Variants in PKD1 observed in about 807,000 individuals in gnomAD.
PKD1 encodes polycystin-1.
In PKD1, 81 loss-of-function variants were observed where a neutral mutation model predicts 361.7. The observed-to-expected ratio is 0.22, with a 90% confidence interval of 0.19 to 0.27. The LOEUF is 0.27. Ranked by LOEUF, PKD1 falls within the 10% of genes least tolerant of loss-of-function variation. PKD1 has a pLI of 1.00. For missense variants in PKD1, 6,399 were observed against 6,118.3 expected (o/e 1.05, Z -1.53); for synonymous variants, 3,615 against 2,818.3 (o/e 1.28, Z -8.95).
Position 2,088,889 on chromosome 16 carries a change from ACAC to A in PKD1, c.*835_*837del, listed in dbSNP as rs386787811. On this transcript the variant is annotated 3_prime_UTR_variant, in exon 46 of 46. Transcript: ENST00000262304. ...CTCGCGCGTGCGCGCGCGCACACAC[ACAC>A]ACACACAGTCACCTTCCTCCACCCT... is the stretch of plus-strand genomic sequence containing the variant. The A allele has an allele frequency of 8.1e-3, 3,686 of 455,766 alleles. 135 individuals carry two copies. Among genetic ancestry groups the A allele is most frequent in the African/African-American group, 0.065 (3,274 of 50,502 alleles). 28.2% of individuals were successfully genotyped at this position (455,766 alleles called of 1,614,324 possible).
chr16:2,103,230 C>T lies in PKD1; in HGVS notation c.8791+36G>A, dbSNP rs755733347. 41 of 1,604,174 alleles carry T rather than the reference C, an allele frequency of 2.6e-5. 1 individual carries two copies. The Admixed American group carries it at 5.5e-4, about 22-fold the overall frequency. On this transcript the variant is annotated intron_variant, in intron 23 of 45. Coordinates refer to ENST00000262304, the MANE Select transcript of PKD1 (RefSeq NM_001009944.3). ...AAACGCCTTCCCCCCAAGAACAAGGCCAGGGGGCCGCGTGTGCCCCACCCG... is the reference window on the plus strand; with the variant it reads ...AAACGCCTTCCCCCCAAGAACAAGGTCAGGGGGCCGCGTGTGCCCCACCCG...
At chr16:2,127,034 G>A (rs2092808036) in intron 1 of PKD1, among the ~76,000 whole-genome samples, 1 of 152,126 alleles carries the variant, frequency 6.6e-6, no homozygotes, top group Non-Finnish European at 1.5e-5. Flanking sequence ...CCCTCATAGA[G>A]ATGCCCTGGC....
chr16:2,091,768 AG>A lies in PKD1; in HGVS notation c.11537+12del. ...GCGGCCACCCCGGAGAGGGCAGGGG[AG>A]GGAGCTCCCACCTGTTGTCCAGCCA... On this transcript the variant is annotated intron_variant, in intron 41 of 45. Coordinates refer to ENST00000262304, the MANE Select transcript of PKD1 (RefSeq NM_001009944.3). The A allele has an allele frequency of 6.2e-7, 1 of 1,609,564 alleles. No individual in the cohort carries two copies. The highest frequency in any genetic ancestry group is 1.1e-5 in the South Asian group (1 of 90,690).
chr16:2,112,073 C>T (rs942559188), intron 14 of PKD1, among the ~76,000 whole-genome samples: 10 of 152,236 alleles, frequency 6.6e-5, no homozygotes, highest in African/African-American at 2.4e-4. Flanking sequence ...ACGGCACCGC[C>T]TCCAAGTGCA....
At chr16:2,120,678 G>C (rs1285897095) in intron 1 of PKD1, among the ~76,000 whole-genome samples, 2 of 152,170 alleles carry the variant, frequency 1.3e-5, no homozygotes, top group Non-Finnish European at 2.9e-5. Flanking sequence ...GTCCAGCCTG[G>C]GCGACAGAGC....
At position 2,090,249 on chromosome 16, in the gene PKD1, G is replaced by A. The variant is rs745791932; in HGVS notation, c.12444+36C>T. 3.0e-5 allele frequency: 49 copies of A among 1,609,052 alleles called. No homozygotes were observed. The East Asian group carries it at 9.4e-4, about 31-fold the overall frequency. On this transcript the variant is annotated intron_variant, in intron 45 of 45. Coordinates refer to ENST00000262304, the MANE Select transcript of PKD1 (RefSeq NM_001009944.3). The stretch of plus-strand genomic sequence containing the variant: ...CGGCTGCACCCTGGGCAGAGCCCAG[G>A]GCGTGTCCCTCTCCCCCCCACTGGG...
At position 2,112,430 on chromosome 16, in the gene PKD1, G is replaced by A. The variant is rs754703070; in HGVS notation, c.3205C>T (p.Pro1069Ser). Reference sequence around the variant, plus strand: ...ACCGGGAAGGACTCGTTGTACGGAGGCTGGAACTGGTGGAGGGCCTGCTCC... The same window carrying A: ...ACCGGGAAGGACTCGTTGTACGGAGACTGGAACTGGTGGAGGGCCTGCTCC... ...DGEQALHQFQ[P>S]PYNESFPVPD... Residue 1069 changes from proline to serine, a missense_variant, in exon 14 of 46, where the codon CCT (proline) becomes TCT (serine). By Grantham distance (74) the Pro-to-Ser change is moderately conservative. Coordinates refer to ENST00000262304, the MANE Select transcript of PKD1 (RefSeq NM_001009944.3). 3 of 1,585,398 alleles carry A rather than the reference G, an allele frequency of 1.9e-6. No individual in the cohort carries two copies. Among genetic ancestry groups the A allele is most frequent in the Non-Finnish European group, 2.6e-6 (3 of 1,172,886 alleles).
At chr16:2,120,140 A>G in intron 1 of PKD1, 1 of 514,530 alleles carries the variant, frequency 1.9e-6, no homozygotes, top group East Asian at 3.2e-5. Context: ...GAGCCCAGAG[A>G]GGTCAAGGCT....
intron 1 of PKD1, among the ~76,000 whole-genome samples, chr16:2,125,034 G>A (rs2092776775): frequency 1.3e-5 from 2 of 152,228 alleles, no homozygotes; most frequent in African/African-American, 4.8e-5. Flanking sequence ...ACAGGGGACA[G>A]GCGGCAGTGC....
rs770995867 is a variant in PKD1 at position 2,089,757 on chromosome 16, G to A, written c.12882C>T (p.Ala4294=). ...TGCTGCTGGGGTGGACCTTGTTCTT[G>A]GCCCGAAGGGGTGTCCTGCTGGGGC... The part of the protein sequence containing the change: ...ATGPSRTPLR[A]KNKVHPSST Residue 4294 remains alanine, a synonymous_variant, in exon 46 of 46, where the codon GCC becomes GCT. Coordinates refer to ENST00000262304, the MANE Select transcript of PKD1 (RefSeq NM_001009944.3). 3 of 1,591,984 alleles carry A rather than the reference G, an allele frequency of 1.9e-6. No homozygotes were observed. Among genetic ancestry groups the A allele is most frequent in the Non-Finnish European group, 1.7e-6 (2 of 1,171,004 alleles).
intron 34 of PKD1, 44 bp from the exon 35 acceptor site, chr16:2,094,254 G>T: frequency 8.0e-7 from 1 of 1,243,290 alleles, no homozygotes; most frequent in Non-Finnish European, 1.2e-6. Context: ...GCCTCCAGGA[G>T]GCAGTTGCAG....
At chr16:2,113,830 C>T (rs529584529) in intron 11 of PKD1, 155 of 437,548 alleles carry the variant, frequency 3.5e-4, no homozygotes, top group African/African-American at 2.8e-3. Flanking sequence ...GGTTCAGACT[C>T]CACCTCAAAA....
At position 2,108,923 on chromosome 16, in the gene PKD1, C is replaced by A; in HGVS notation, c.6244G>T (p.Ala2082Ser). ...ACACGCCGGGGGCTGGGGCTGGTGG[C>A]GGCCTCAAACTGCGCCGAGCGGTTG... ...FTNRSAQFEAATSPSPRRVAY... is the reference protein window; with the variant it reads ...FTNRSAQFEASTSPSPRRVAY... The change falls in exon 15 of 46, where the codon GCC (alanine) becomes TCC (serine). Residue 2082 changes from alanine (A) to serine (S), a missense_variant. By Grantham distance (99) the Ala-to-Ser change is moderately conservative (BLOSUM62 1). Coordinates refer to ENST00000262304, the MANE Select transcript of PKD1 (RefSeq NM_001009944.3). The A allele has an allele frequency of 1.3e-6, 2 of 1,593,388 alleles. No homozygotes were observed. The highest frequency in any genetic ancestry group is 2.3e-5 in the East Asian group (1 of 43,544).
chr16:2,090,128 C>T lies in PKD1; in HGVS notation c.12511G>A (p.Val4171Ile). Residue 4171 changes from valine to isoleucine, a missense_variant, in exon 46 of 46, where the codon GTA becomes ATA. Physicochemically the swap from Val to Ile is conservative, Grantham distance 29 (BLOSUM62 3). Transcript: ENST00000262304. ...CTGGGTGGGGGCACATCCGGGGATA[C>T]CTTGGAGCCCCTGGAGGAGCGAGAG... Reference protein sequence around the residue: ...LPSRSSRGSKVSPDVPPPSAG... With the variant: ...LPSRSSRGSKISPDVPPPSAG... 1 of 1,597,612 alleles carries T rather than the reference C, an allele frequency of 6.3e-7. No individual in the cohort carries two copies. Among genetic ancestry groups the T allele is most frequent in the Non-Finnish European group, 8.5e-7 (1 of 1,170,600 alleles).
At position 2,111,247 on chromosome 16, in the gene PKD1, G is replaced by C. The variant is rs527659927; in HGVS notation, c.3920C>G (p.Thr1307Arg). 1.2e-6 allele frequency: 2 copies of C among 1,610,610 alleles called. No individual in the cohort carries two copies. The highest frequency in any genetic ancestry group is 1.7e-6 in the Non-Finnish European group (2 of 1,179,624). ...GGCCGTGAGCCGCGCGTCAGGCTGC[G>C]TGGGGATGCAGGCGGCGGGTTCAAC... is the stretch of plus-strand genomic sequence containing the variant. ...LRVEPAACIP[T>R]QPDARLTAYV... Residue 1307 changes from threonine to arginine, a missense_variant, in exon 15 of 46, where the codon ACG becomes AGG. By Grantham distance (71) the Thr-to-Arg change is moderately conservative (BLOSUM62 -1). Coordinates refer to ENST00000262304, the MANE Select transcript of PKD1 (RefSeq NM_001009944.3).
intron 30 of PKD1, chr16:2,098,969 T>C (rs2091971210): frequency 6.1e-6 from 1 of 164,422 alleles, no homozygotes; most frequent in Non-Finnish European, 1.3e-5. Context: ...TAGCTGGGAC[T>C]ACAGGCGCCC....
intron 1 of PKD1, among the ~76,000 whole-genome samples, chr16:2,124,492 C>T (rs1311859663): frequency 2.6e-5 from 4 of 152,202 alleles, no homozygotes; most frequent in African/African-American, 9.7e-5. Flanking sequence ...CCGGGGGAGC[C>T]GGGGTCGGGG....
chr16:2,104,773 C>G, intron 21 of PKD1, 131 bp from the exon 22 acceptor site: 1 of 787,156 alleles, frequency 1.3e-6, no homozygotes, highest in African/African-American at 1.8e-5. Context: ...ACTGGACCCC[C>G]ACAGCCTCCT....
In PKD1 at chr16:2,115,496, C is replaced by T. The variant is rs762451636; in HGVS notation, c.1979G>A (p.Cys660Tyr). ...ANICLPLDAS[C>Y]HPQACANGCT... Reference sequence around the variant, plus strand: ...GCCATTGGCGCAGGCCTGGGGGTGGCAGGAGGCGTCCAGCGGCAAGCAGAT... The same window carrying T: ...GCCATTGGCGCAGGCCTGGGGGTGGTAGGAGGCGTCCAGCGGCAAGCAGAT... The change falls in exon 10 of 46, where the codon TGC becomes TAC. Residue 660 changes from cysteine to tyrosine, a missense_variant. Cys to Tyr is a radical substitution (Grantham distance 194). Coordinates refer to ENST00000262304, the MANE Select transcript of PKD1 (RefSeq NM_001009944.3). 1.2e-6 allele frequency: 2 copies of T among 1,601,768 alleles called. No individual in the cohort carries two copies. The highest frequency in any genetic ancestry group is 2.3e-5 in the East Asian group (1 of 44,382).
Sources: gnomAD v4.1 joint callset for allele counts (sites outside exome capture counted in the v4.1 genomes callset) on GRCh38, gnomAD v4.1.1 for gene constraint, MANE v1.5 for transcripts, NCBI Gene and HGNC (gene_info 2026-07-23, HGNC 2026-07-21) for gene names.